ASTN2: variants seen among roughly 807,000 people sequenced by gnomAD.
ASTN2 encodes astrotactin 2.
In ASTN2, 54 loss-of-function variants were observed where a neutral mutation model predicts 139.8. The ratio of observed to expected loss-of-function variants is 0.39; its 90% CI spans 0.31 to 0.48. The LOEUF is 0.48. ASTN2 is among the 20% of genes least tolerant of loss of function. The pLI, the probability that ASTN2 is intolerant of heterozygous loss-of-function variation, is 0.95. For missense variants in ASTN2, 1,565 were observed against 1,725.1 expected, an observed-to-expected ratio of 0.91 and a Z score of 1.64; for synonymous variants, 756 against 719.5, an observed-to-expected ratio of 1.05 and a Z score of -0.81.
At chr9:116,579,341 G>T (rs193175233) in intron 19 of ASTN2, among the ~76,000 whole-genome samples, 1 of 152,268 alleles carries the variant, frequency 6.6e-6, no homozygotes, top group Non-Finnish European at 1.5e-5. Context: ...TGTTTCTGCT[G>T]CAATCTACCA....
chr9:116,641,885 T>C (rs1270749146), intron 17 of ASTN2, among the ~76,000 whole-genome samples: 1 of 152,010 alleles, frequency 6.6e-6, no homozygotes, highest in East Asian at 1.9e-4. Flanking sequence ...TGCCTGACAG[T>C]CTGATTCTTG....
intron 13 of ASTN2, among the ~76,000 whole-genome samples, chr9:116,780,447 G>A (rs1466713714): frequency 6.6e-6 from 1 of 152,168 alleles, no homozygotes; most frequent in Non-Finnish European, 1.5e-5. Flanking sequence ...AATATAATCA[G>A]CGACCTTGGT....
At chr9:116,921,640 G>A (rs1487073812) in intron 10 of ASTN2, among the ~76,000 whole-genome samples, 1 of 149,586 alleles carries the variant, frequency 6.7e-6, no homozygotes, top group African/African-American at 2.5e-5. Context: ...TATAAACAAA[G>A]GAGGTTTAAT....
At chr9:116,475,857 CA>C (rs1347287018) in intron 20 of ASTN2, among the ~76,000 whole-genome samples, 2 of 152,168 alleles carry the variant, frequency 1.3e-5, no homozygotes, top group Non-Finnish European at 2.9e-5. Flanking sequence ...TCCATAGCCC[CA>C]AATCTCCTAC....
chr9:116,709,544 G>T (rs1393173216), intron 16 of ASTN2, among the ~76,000 whole-genome samples: 1 of 152,170 alleles, frequency 6.6e-6, no homozygotes, highest in Non-Finnish European at 1.5e-5. Flanking sequence ...TCTATAGACT[G>T]TTGAACCACT....
intron 19 of ASTN2, chr9:116,584,043 C>G (rs1854054886): frequency 6.6e-6 from 1 of 152,200 alleles, no homozygotes; most frequent in Admixed American, 6.5e-5. Context: ...TGTGAGCTCA[C>G]AAAGGCCTAA....
At chr9:116,719,564 G>A (rs1828415427) in intron 16 of ASTN2, among the ~76,000 whole-genome samples, 1 of 152,108 alleles carries the variant, frequency 6.6e-6, no homozygotes, top group South Asian at 2.1e-4. Context: ...GTTGTGTGGA[G>A]TGGAGTTTGG....
chr9:116,959,552 A>C (rs971954226), intron 10 of ASTN2, among the ~76,000 whole-genome samples: 1 of 152,292 alleles, frequency 6.6e-6, no homozygotes, highest in East Asian at 1.9e-4. Context: ...GGAGGCAGGA[A>C]GAACATCTAA....
chr9:117,281,950 C>G (rs983937718), intron 2 of ASTN2, among the ~76,000 whole-genome samples: 1 of 152,170 alleles, frequency 6.6e-6, no homozygotes, highest in Admixed American at 6.5e-5. Context: ...CCTCGCTACC[C>G]GACTCCCAGC....
At chr9:116,627,628 T>C (rs1311675199) in intron 17 of ASTN2, among the ~76,000 whole-genome samples, 1 of 152,158 alleles carries the variant, frequency 6.6e-6, no homozygotes, top group African/African-American at 2.4e-5. Flanking sequence ...TTTTATAGAT[T>C]AGGAAACTGA....
intron 2 of ASTN2, among the ~76,000 whole-genome samples, chr9:117,268,967 A>G (rs1833997886): frequency 6.6e-6 from 1 of 152,230 alleles, no homozygotes; most frequent in Non-Finnish European, 1.5e-5. Context: ...CCCGTAAAAT[A>G]GCAATACGAA....
At chr9:117,387,278 C>T (rs1564178863) in intron 1 of ASTN2, among the ~76,000 whole-genome samples, 1 of 152,048 alleles carries the variant, frequency 6.6e-6, no homozygotes, top group Non-Finnish European at 1.5e-5. Flanking sequence ...CTTTTTAATA[C>T]AAAATAAAGA....
At chr9:116,724,111 C>T (rs1736934802) in intron 16 of ASTN2, among the ~76,000 whole-genome samples, 1 of 152,090 alleles carries the variant, frequency 6.6e-6, no homozygotes, top group African/African-American at 2.4e-5. Flanking sequence ...TGTCCCAAGC[C>T]CCAAACGTGG....
intron 16 of ASTN2, among the ~76,000 whole-genome samples, chr9:116,667,115 C>T (rs991681970): frequency 6.6e-6 from 1 of 151,710 alleles, no homozygotes; most frequent in Non-Finnish European, 1.5e-5. Flanking sequence ...ACCACCACCC[C>T]TGGCTAATTT....
intron 20 of ASTN2, among the ~76,000 whole-genome samples, chr9:116,447,837 G>A (rs115681472): frequency 1.1e-4 from 17 of 152,344 alleles, no homozygotes; most frequent in African/African-American, 2.4e-4. Flanking sequence ...CACTGCCCAA[G>A]GCTCTGACTT....
chr9:117,128,371 CAAAAAAAAAAA>C (rs1167187783), intron 4 of ASTN2, among the ~76,000 whole-genome samples: 16 of 66,444 alleles, frequency 2.4e-4, no homozygotes, highest in South Asian at 1.6e-3. Context: ...GACACTGTCT[CAAAAAAAAAAA>C]AAAAAAAAAA....
chr9:117,378,654 C>T (rs185058434), intron 1 of ASTN2, among the ~76,000 whole-genome samples: 72 of 152,298 alleles, frequency 4.7e-4, no homozygotes, highest in Middle Eastern at 6.8e-3. Flanking sequence ...TCTGCTCTGT[C>T]CTTGACCCAC....
intron 7 of ASTN2, among the ~76,000 whole-genome samples, chr9:116,978,060 A>G (rs1037138205): frequency 2.0e-5 from 3 of 151,996 alleles, no homozygotes; most frequent in Non-Finnish European, 4.4e-5. Context: ...TTTTTCTCCA[A>G]GGTTTATTTG....
At chr9:116,863,536 C>T (rs1564311344) in intron 11 of ASTN2, 47 bp downstream of exon 11, 2 of 1,600,524 alleles carry the variant, frequency 1.2e-6, no homozygotes, top group African/African-American at 2.7e-5. Context: ...AGCAGGTGGC[C>T]TTAGCCCCTG....
Sources: allele counts gnomAD v4.1 joint callset (sites outside exome capture counted in the v4.1 genomes callset), GRCh38; gene constraint gnomAD v4.1.1; transcripts MANE v1.5; gene names NCBI Gene and HGNC (gene_info 2026-07-23, HGNC 2026-07-21).